Variants in LMO3 observed in about 807,000 individuals in gnomAD.
LMO3 encodes LIM domain only 3.
In LMO3, 2 loss-of-function variants were observed where a neutral mutation model predicts 15.8. The observed-to-expected ratio is 0.13, with a 90% confidence interval of 0.05 to 0.40. The LOEUF is 0.40. Ranked by LOEUF, LMO3 falls within the 10% of genes least tolerant of loss-of-function variation. The pLI, the probability that LMO3 is intolerant of heterozygous loss-of-function variation, is 0.99. For synonymous variants in LMO3, 62 were observed against 63.8 expected (o/e 0.97, Z 0.13); for missense variants, 86 against 182.2 (o/e 0.47, Z 3.04).
At chr12:16,605,347 T>G in intron 1 of LMO3, 1 of 1,158,332 alleles carries the variant, frequency 8.6e-7, no homozygotes, top group Non-Finnish European at 1.1e-6. Context: ...AAAAATGTGC[T>G]GCATCAGTTT....
In LMO3 at chr12:16,584,489, A is replaced by G. The variant is rs919206397; in HGVS notation, c.206+16166T>C. Among the ~76,000 whole-genome samples the G allele has an allele frequency of 6.6e-6, 1 of 152,194 alleles. No homozygotes were observed. The highest frequency in any genetic ancestry group is 6.6e-5 in the Admixed American group (1 of 15,266). On this transcript the variant is annotated intron_variant, in intron 2 of 3. Transcript: ENST00000537304. This position sits in a 1 kb window ranked among gnomAD's most constrained non-coding sequence, Gnocchi z 5.2. ...TGAGGTTTCTGGAGGACCCAGTGGAAAAGTGTTGAGTGAACGTAACAGCAG... is the reference window on the plus strand; with the variant it reads ...TGAGGTTTCTGGAGGACCCAGTGGAGAAGTGTTGAGTGAACGTAACAGCAG...
intron 3 of LMO3, among the ~76,000 whole-genome samples, chr12:16,558,642 G>A (rs1355580425): frequency 6.6e-6 from 1 of 152,154 alleles, no homozygotes; most frequent in Non-Finnish European, 1.5e-5. Context: ...TACTTGCTGG[G>A]AAGAGTCAAG....
chr12:16,558,864 ATTATTTCAT>A (rs1454500968), intron 3 of LMO3, among the ~76,000 whole-genome samples: 1 of 152,184 alleles, frequency 6.6e-6, no homozygotes, highest in Non-Finnish European at 1.5e-5. Flanking sequence ...ATATAAATTA[ATTATTTCAT>A]TTAAGTTTCA....
chr12:16,585,279 G>T lies in LMO3; in HGVS notation c.206+15376C>A, dbSNP rs1943284094. Among the ~76,000 whole-genome samples the T allele has an allele frequency of 1.3e-5, 2 of 148,384 alleles. No individual in the cohort carries two copies. Among genetic ancestry groups the T allele is most frequent in the Non-Finnish European group, 1.5e-5 (1 of 67,992 alleles). Reference sequence around the variant, plus strand: ...TATTTTATTTACATTCAAGTATCATGGTAGAAAACAAGTTATTGATTACTG... The same window carrying T: ...TATTTTATTTACATTCAAGTATCATTGTAGAAAACAAGTTATTGATTACTG... On this transcript the variant is annotated intron_variant, in intron 2 of 3. Coordinates refer to ENST00000537304, the MANE Select transcript of LMO3 (RefSeq NM_018640.5). The surrounding 1 kb of genome is among the most constrained non-coding windows in gnomAD (Gnocchi z 4.7).
chr12:16,605,998 A>G (rs1269086004), intron 1 of LMO3, 68 bp downstream of exon 1: 1 of 621,526 alleles, frequency 1.6e-6, no homozygotes, highest in Non-Finnish European at 2.8e-6. Flanking sequence ...CCGCACACGC[A>G]CGCGCGCACC....
In LMO3 at chr12:16,549,144, C is replaced by A. The variant is rs931364140; in HGVS notation, c.*2078G>T. The A allele has an allele frequency of 2.0e-5, 3 of 152,150 alleles. No individual in the cohort carries two copies. The highest frequency in any genetic ancestry group is 7.2e-5 in the African/African-American group (3 of 41,432). The allele number at this position is 152,150 out of a possible 1,614,324, so 9.4% of individuals were successfully genotyped here. On this transcript the variant is annotated 3_prime_UTR_variant, in exon 4 of 4. Coordinates refer to ENST00000537304, the MANE Select transcript of LMO3 (RefSeq NM_018640.5). ...TTGTTAATGGGGACCAGCAGGGCTG[C>A]ATTAAGAAAACCACTTTTCACTGAT...
chr12:16,567,965 T>C (rs1324266311), intron 2 of LMO3, among the ~76,000 whole-genome samples: 2 of 152,096 alleles, frequency 1.3e-5, no homozygotes, highest in Non-Finnish European at 2.9e-5. Flanking sequence ...GTGGGGGTAA[T>C]AAAATTACAG....
At chr12:16,572,339 C>CTTTTTTTTTTTTTTTTTTTT (rs59773866) in intron 2 of LMO3, among the ~76,000 whole-genome samples, 3 of 89,530 alleles carry the variant, frequency 3.4e-5, no homozygotes, top group Admixed American at 3.0e-4. Context: ...GGTCCAAACT[C>CTTTTTTTTTTTTTTTTTTTT]TTTTTTTTTT....
intron 2 of LMO3, among the ~76,000 whole-genome samples, chr12:16,568,068 AC>A (rs1184782840): frequency 1.3e-5 from 2 of 152,224 alleles, no homozygotes; most frequent in East Asian, 3.9e-4. Flanking sequence ...TACACTGGCA[AC>A]AATAGAAAAT....
At chr12:16,583,569 G>A (rs1268523164) in intron 2 of LMO3, among the ~76,000 whole-genome samples, 1 of 152,124 alleles carries the variant, frequency 6.6e-6, no homozygotes, top group Non-Finnish European at 1.5e-5. Context: ...TCCCATAGAT[G>A]GGATAAAAGA....
chr12:16,573,463 A>G (rs1464937853), intron 2 of LMO3: 1 of 152,202 alleles, frequency 6.6e-6, no homozygotes, highest in African/African-American at 2.4e-5. Context: ...GTGTGTCCAC[A>G]TGTATAAATA....
In LMO3 at chr12:16,559,160, G is replaced by A. The variant is rs1942298469; in HGVS notation, c.332+1253C>T. Among the ~76,000 whole-genome samples the A allele has an allele frequency of 6.6e-6, 1 of 152,102 alleles. No homozygotes were observed. Among genetic ancestry groups the A allele is most frequent in the East Asian group, 1.9e-4 (1 of 5,188 alleles). ...ATTTATTGATTATATACTCTGCCAG[G>A]TGTTCTCACAGAAAGTCAGTGAATT... On this transcript the variant is annotated intron_variant, in intron 3 of 3. Transcript: ENST00000537304. This position sits in a 1 kb window ranked among gnomAD's most constrained non-coding sequence, Gnocchi z 4.1.
upstream of LMO3, chr12:16,607,162 CCTTCCT>C (rs971047678): frequency 9.2e-4 from 73 of 79,216 alleles, no homozygotes; most frequent in African/African-American, 4.7e-3. Context: ...CACACACTCT[CCTTCCT>C]CCCTTCCTCC....
rs1054842607 is a variant in LMO3 at position 16,587,941 on chromosome 12, A to G, written c.206+12714T>C. On this transcript the variant is annotated intron_variant, in intron 2 of 3. Coordinates refer to ENST00000537304, the MANE Select transcript of LMO3 (RefSeq NM_018640.5). This position sits in a 1 kb window ranked among gnomAD's most constrained non-coding sequence, Gnocchi z 4.3. ...AACCTTGATTTAATTTTAAATGAAC[A>G]AAACAAGGAATATTAATTCATGCTT... 1.3e-5 allele frequency among the ~76,000 whole-genome samples: 2 copies of G among 152,164 alleles called. No individual in the cohort carries two copies. The highest frequency in any genetic ancestry group is 4.8e-5 in the African/African-American group (2 of 41,456).
intron 2 of LMO3, among the ~76,000 whole-genome samples, chr12:16,592,306 G>T (rs1032094197): frequency 6.6e-6 from 1 of 151,970 alleles, no homozygotes; most frequent in African/African-American, 2.4e-5. Flanking sequence ...TGAAAGAAGA[G>T]ATTCTTCTAG....
At chr12:16,569,666 C>G (rs1942742367) in intron 2 of LMO3, among the ~76,000 whole-genome samples, 1 of 152,174 alleles carries the variant, frequency 6.6e-6, no homozygotes, top group Non-Finnish European at 1.5e-5. Context: ...CATAGAATCA[C>G]AAAATCTTCG....
At position 16,585,221 on chromosome 12, in the gene LMO3, G is replaced by A. The variant is rs567848743; in HGVS notation, c.206+15434C>T. Reference sequence around the variant, plus strand: ...GGAGGCAATTGAGTTTGTAATTCCCGTCTTAGCCCTTGGCAAGATAAATAA... The same window carrying A: ...GGAGGCAATTGAGTTTGTAATTCCCATCTTAGCCCTTGGCAAGATAAATAA... On this transcript the variant is annotated intron_variant, in intron 2 of 3. Transcript: ENST00000537304. This position sits in a 1 kb window ranked among gnomAD's most constrained non-coding sequence, Gnocchi z 4.7. 5.3e-5 allele frequency among the ~76,000 whole-genome samples: 8 copies of A among 152,160 alleles called. No individual in the cohort carries two copies. The highest frequency in any genetic ancestry group is 9.6e-5 in the African/African-American group (4 of 41,516).
chr12:16,569,984 C>T (rs894189739), intron 2 of LMO3, among the ~76,000 whole-genome samples: 25 of 152,072 alleles, frequency 1.6e-4, no homozygotes, highest in South Asian at 6.2e-4. Flanking sequence ...CACAATTATA[C>T]GAGCATAAAA....
In LMO3 at chr12:16,582,301, A is replaced by G. The variant is rs1591808338; in HGVS notation, c.206+18354T>C. On this transcript the variant is annotated intron_variant, in intron 2 of 3. Transcript: ENST00000537304. The surrounding 1 kb of genome is among the most constrained non-coding windows in gnomAD (Gnocchi z 4.1). ...TAGATTGAGATATGTCCTGGTGTTC[A>G]TTCTCTGAATTCTAGAAAACATCTT... Among the ~76,000 whole-genome samples, 1 of 152,188 alleles carries G rather than the reference A, an allele frequency of 6.6e-6. No individual in the cohort carries two copies. The highest frequency in any genetic ancestry group is 1.5e-5 in the Non-Finnish European group (1 of 68,030).
Sources: gnomAD v4.1 joint callset for allele counts (sites outside exome capture counted in the v4.1 genomes callset) on GRCh38, gnomAD v4.1.1 for gene constraint, Gnocchi (gnomAD v3.1) non-coding constraint, MANE v1.5 for transcripts, NCBI Gene and HGNC (gene_info 2026-07-23, HGNC 2026-07-21) for gene names.